Variants in RANBP17 observed in about 807,000 individuals in gnomAD.
RANBP17 encodes the protein RAN binding protein 17.
Under a neutral mutation model 141.2 loss-of-function variants are expected in RANBP17, and 158 were observed. That is an observed-to-expected ratio of 1.12 (90% CI 0.98 to 1.28). The LOEUF is 1.28. RANBP17 is among the 50% of genes most tolerant of loss of function. The pLI is 0.00. For missense variants in RANBP17, 1,438 were observed against 1,290.7 expected, an observed-to-expected ratio of 1.11 and a Z score of -1.75; for synonymous variants, 430 against 450.0, an observed-to-expected ratio of 0.96 and a Z score of 0.56.
At chr5:170,914,737 G>A (rs1771808407) in intron 8 of RANBP17, among the ~76,000 whole-genome samples, 1 of 152,064 alleles carries the variant, frequency 6.6e-6, no homozygotes, top group Non-Finnish European at 1.5e-5. Context: ...TTTTGAATCA[G>A]TGTAAATTCT....
intron 14 of RANBP17, among the ~76,000 whole-genome samples, chr5:171,107,951 C>A (rs1754966908): frequency 6.6e-6 from 1 of 152,174 alleles, no homozygotes; most frequent in Non-Finnish European, 1.5e-5. Context: ...CAATCAGTTT[C>A]AGGTTTCTGG....
chr5:171,013,688 G>A (rs1780224887), intron 14 of RANBP17, among the ~76,000 whole-genome samples: 1 of 151,974 alleles, frequency 6.6e-6, no homozygotes, highest in African/African-American at 2.4e-5. Flanking sequence ...AAGTCAGATA[G>A]TGTTTAAACC....
chr5:171,016,778 TTA>T (rs919900761), intron 14 of RANBP17, among the ~76,000 whole-genome samples: 34 of 152,062 alleles, frequency 2.2e-4, no homozygotes, highest in African/African-American at 8.2e-4. Context: ...ATGCATTTTT[TTA>T]TGTCTTCTTT....
chr5:170,937,679 A>G (rs931370462), intron 12 of RANBP17, among the ~76,000 whole-genome samples: 6 of 152,174 alleles, frequency 3.9e-5, no homozygotes, highest in African/African-American at 1.4e-4. Context: ...GAGTATCTTT[A>G]CAGGTGACCC....
chr5:171,178,000 C>G (rs1352371395), intron 16 of RANBP17, among the ~76,000 whole-genome samples: 1 of 149,664 alleles, frequency 6.7e-6, no homozygotes, highest in African/African-American at 2.5e-5. Flanking sequence ...GTTGTTATAC[C>G]TATTTGGATT....
chr5:171,101,789 G>A (rs1417862010), intron 14 of RANBP17, among the ~76,000 whole-genome samples: 1 of 152,164 alleles, frequency 6.6e-6, no homozygotes, highest in Non-Finnish European at 1.5e-5. Context: ...GGCAGGCCTA[G>A]TGGTGACAGA....
intron 4 of RANBP17, among the ~76,000 whole-genome samples, chr5:170,895,139 TA>T (rs1487020106): frequency 1.3e-5 from 2 of 152,174 alleles, no homozygotes; most frequent in African/African-American, 4.8e-5. Context: ...AGGCCATAAA[TA>T]ATTAAAATGC....
chr5:170,942,334 T>C (rs1189477775), intron 12 of RANBP17, among the ~76,000 whole-genome samples: 3 of 152,140 alleles, frequency 2.0e-5, no homozygotes, highest in Admixed American at 6.6e-5. Flanking sequence ...CATTATTGTT[T>C]ATAATGTCAA....
intron 27 of RANBP17, among the ~76,000 whole-genome samples, chr5:171,297,211 T>C (rs920473763): frequency 3.9e-5 from 6 of 152,258 alleles, no homozygotes; most frequent in African/African-American, 1.4e-4. Context: ...ATCAGCTAGG[T>C]CTGACTTCAT....
rs146917875 is a variant in RANBP17, at chr5:170,978,981, A to G, written c.1710+10604A>G. Among the ~76,000 whole-genome samples, 404 of 152,322 alleles carry G rather than the reference A, an allele frequency of 2.7e-3. 4 individuals carry two copies. Among genetic ancestry groups the G allele is most frequent in the Middle Eastern group, 0.014 (4 of 294 alleles). On this transcript the variant is annotated intron_variant, in intron 14 of 27. Transcript: ENST00000523189. ...ACAGTGGGATTATGTATAACAGTGAAAATGAATGATCTAAAACTACGTTTA... is the reference window on the plus strand; with the variant it reads ...ACAGTGGGATTATGTATAACAGTGAGAATGAATGATCTAAAACTACGTTTA...
rs534730576 is a variant in RANBP17 at position 170,862,072 on chromosome 5, G to A, written c.18+21G>A. On this transcript the variant is annotated intron_variant, in intron 1 of 27. Coordinates refer to ENST00000523189, the MANE Select transcript of RANBP17 (RefSeq NM_022897.5). ...TCCAGGTCAGTGTGCTCTGCGCCGCGGGCCCGCGCTCCGCCACGCTGGGAA... is the reference window on the plus strand; with the variant it reads ...TCCAGGTCAGTGTGCTCTGCGCCGCAGGCCCGCGCTCCGCCACGCTGGGAA... 1,121 of 1,446,784 alleles carry A rather than the reference G, an allele frequency of 7.7e-4. 7 individuals carry two copies. The African/African-American group carries it at 0.015, about 19-fold the overall frequency. The allele number at this position is 1,446,784 out of a possible 1,614,324, so 89.6% of individuals were successfully genotyped here. A position where few individuals can be genotyped will look rare whatever the true frequency, so the allele number is the denominator to read the frequency against.
chr5:170,869,369 G>A (rs572473703), intron 1 of RANBP17, among the ~76,000 whole-genome samples: 5 of 138,940 alleles, frequency 3.6e-5, no homozygotes, highest in Admixed American at 2.4e-4. Flanking sequence ...ATGTTTCCCA[G>A]GCTGGCCTTG....
rs1309462965 is a variant in RANBP17 at position 171,205,380 on chromosome 5, G to C, written c.2143-144G>C. 6 of 644,106 alleles carry C rather than the reference G, an allele frequency of 9.3e-6. No individual in the cohort carries two copies. The East Asian group carries it at 1.6e-4, about 18-fold the overall frequency. 39.9% of individuals were successfully genotyped at this position (644,106 alleles called of 1,614,324 possible). ...ATTTGATGGTCTGTTTAAAGAGTCT[G>C]TGCTTTTCTGTAGAAAGAGGTCTGA... On this transcript the variant is annotated intron_variant, in intron 19 of 27. Transcript: ENST00000523189.
chr5:171,089,503 G>A (rs1023208863), intron 14 of RANBP17, among the ~76,000 whole-genome samples: 69 of 152,064 alleles, frequency 4.5e-4, no homozygotes, highest in Non-Finnish European at 8.8e-4. Context: ...CGAGCTTCCC[G>A]GCTGCTTTGT....
chr5:170,913,950 A>G (rs1316316660), intron 7 of RANBP17, among the ~76,000 whole-genome samples: 3 of 152,148 alleles, frequency 2.0e-5, no homozygotes, highest in Non-Finnish European at 4.4e-5. Context: ...AGTGCTACAT[A>G]GAGGAAGTGC....
chr5:171,122,724 A>G (rs1186255785), intron 14 of RANBP17, among the ~76,000 whole-genome samples: 1 of 152,230 alleles, frequency 6.6e-6, no homozygotes, highest in Non-Finnish European at 1.5e-5. Flanking sequence ...AGCTACTTGT[A>G]GTCCACGCAG....
intron 12 of RANBP17, among the ~76,000 whole-genome samples, chr5:170,932,133 A>T (rs577417458): frequency 3.3e-5 from 5 of 152,226 alleles, no homozygotes; most frequent in East Asian, 1.9e-4. Context: ...TTCCCTTGTA[A>T]GTTGGATTCC....
intron 25 of RANBP17, among the ~76,000 whole-genome samples, chr5:171,290,115 T>A (rs973562663): frequency 6.6e-6 from 1 of 151,946 alleles, no homozygotes; most frequent in African/African-American, 2.4e-5. Context: ...ATGCCTGTAA[T>A]CCCAGCACTT....
chr5:171,053,312 C>G (rs813587), intron 14 of RANBP17, among the ~76,000 whole-genome samples: 97,751 of 151,858 alleles, frequency 0.64, 32,056 homozygotes, highest in South Asian at 0.89. Context: ...CACTCAGGTA[C>G]TGAACATAAA....
Sources: allele counts gnomAD v4.1 joint callset (sites outside exome capture counted in the v4.1 genomes callset), GRCh38; gene constraint gnomAD v4.1.1; transcripts MANE v1.5; gene names NCBI Gene and HGNC (gene_info 2026-07-23, HGNC 2026-07-21).